Variants in SLC13A1 observed in about 807,000 individuals in gnomAD.
SLC13A1 encodes Na(+)/sulfate cotransporter.
In SLC13A1, 65 loss-of-function variants were observed where a neutral mutation model predicts 70.0. The ratio of observed to expected loss-of-function variants is 0.93; its 90% CI spans 0.76 to 1.14. The LOEUF is 1.14. Among genes scored for constraint, SLC13A1 ranks in the 50% most tolerant of loss-of-function variants. The pLI is 0.00. For synonymous variants in SLC13A1, 275 were observed against 250.5 expected (o/e 1.10, Z -0.92); for missense variants, 726 against 717.8 (o/e 1.01, Z -0.13).
At chr7:123,178,033 C>CTCTCTCTCTCTATA (rs761704605) in intron 2 of SLC13A1, among the ~76,000 whole-genome samples, 114 of 150,044 alleles carry the variant, frequency 7.6e-4, no homozygotes, top group African/African-American at 2.7e-3. Context: ...CTCTCTCTCT[C>CTCTCTCTCTCTATA]TATATATATA....
intron 6 of SLC13A1, among the ~76,000 whole-genome samples, chr7:123,154,955 G>T (rs983975153): frequency 8.5e-5 from 13 of 152,114 alleles, no homozygotes; most frequent in African/African-American, 3.1e-4. Flanking sequence ...TTAGAATTTT[G>T]AAGGCAGTTT....
intron 8 of SLC13A1, among the ~76,000 whole-genome samples, chr7:123,131,243 G>A (rs1392185792): frequency 6.6e-6 from 1 of 152,058 alleles, no homozygotes; most frequent in Admixed American, 6.6e-5. Flanking sequence ...ACTAGTGCCA[G>A]TCTCAAACTT....
chr7:123,124,316 G>C (rs980555390), intron 11 of SLC13A1, among the ~76,000 whole-genome samples: 1 of 152,128 alleles, frequency 6.6e-6, no homozygotes, highest in Non-Finnish European at 1.5e-5. Context: ...GCAATGATCA[G>C]AGTCCTTGGG....
At chr7:123,130,584 G>A (rs1474069752) in intron 8 of SLC13A1, among the ~76,000 whole-genome samples, 1 of 152,056 alleles carries the variant, frequency 6.6e-6, no homozygotes, top group Non-Finnish European at 1.5e-5. Context: ...GGGAGGGAGA[G>A]CATCAAGATA....
chr7:123,137,303 T>A (rs1247268342), intron 7 of SLC13A1, among the ~76,000 whole-genome samples: 2 of 152,174 alleles, frequency 1.3e-5, no homozygotes, highest in Non-Finnish European at 2.9e-5. Context: ...GGATGGAATC[T>A]GTGAATATGA....
chr7:123,175,694 G>A (rs1416368018), intron 2 of SLC13A1, among the ~76,000 whole-genome samples: 1 of 152,082 alleles, frequency 6.6e-6, no homozygotes, highest in Non-Finnish European at 1.5e-5. Context: ...ATAAATATCT[G>A]TTGTTTATTT....
chr7:123,133,877 G>A (rs887055488), intron 8 of SLC13A1, among the ~76,000 whole-genome samples: 4 of 151,392 alleles, frequency 2.6e-5, no homozygotes, highest in East Asian at 1.9e-4. Flanking sequence ...GTTCTCTGTC[G>A]CCCAGGCTGT....
rs1028076269 is a variant in SLC13A1 at position 123,168,999 on chromosome 7, T to C, written c.553+149A>G. 3 of 666,894 alleles carry C rather than the reference T, an allele frequency of 4.5e-6. No individual in the cohort carries two copies. In the African/African-American group the frequency reaches 5.4e-5, roughly 12 times the overall value. 41.3% of individuals were successfully genotyped at this position (666,894 alleles called of 1,614,324 possible). A position where few individuals can be genotyped will look rare whatever the true frequency, so the allele number is the denominator to read the frequency against. On this transcript the variant is annotated intron_variant, in intron 4 of 14. Transcript: ENST00000194130. The stretch of plus-strand genomic sequence containing the variant: ...TAAAATATTTGTAGAAAACTATTTT[T>C]GTAGATACTGAGAACTATAGAGGGA...
At chr7:123,147,384 C>G (rs1414914746) in intron 6 of SLC13A1, 74 bp from the exon 7 acceptor site, 8 of 1,499,816 alleles carry the variant, frequency 5.3e-6, no homozygotes, top group Admixed American at 1.9e-5. Flanking sequence ...TGTGTCCCAC[C>G]ACCCGCACCA....
At chr7:123,160,986 T>C (rs2116496738) in intron 6 of SLC13A1, among the ~76,000 whole-genome samples, 1 of 151,858 alleles carries the variant, frequency 6.6e-6, no homozygotes, top group Non-Finnish European at 1.5e-5. Flanking sequence ...AGGTCAGATT[T>C]TAAAAATTAG....
chr7:123,159,185 T>A (rs1794806482), intron 6 of SLC13A1, among the ~76,000 whole-genome samples: 1 of 152,148 alleles, frequency 6.6e-6, no homozygotes, highest in African/African-American at 2.4e-5. Flanking sequence ...AAATGGATTA[T>A]CTTTAAATGT....
chr7:123,144,031 A>T (rs1212821251), intron 7 of SLC13A1, among the ~76,000 whole-genome samples: 1 of 152,174 alleles, frequency 6.6e-6, no homozygotes, highest in Non-Finnish European at 1.5e-5. Context: ...ATATATTTGG[A>T]ATAAAACCTA....
chr7:123,178,092 A>G (rs943172069), intron 2 of SLC13A1, among the ~76,000 whole-genome samples: 7 of 151,844 alleles, frequency 4.6e-5, no homozygotes, highest in African/African-American at 1.5e-4. Context: ...TGTGAAATTT[A>G]TATTTAAATA....
intron 8 of SLC13A1, 135 bp from the exon 9 acceptor site, chr7:123,129,616 A>G (rs1793687847): frequency 3.1e-6 from 2 of 644,856 alleles, no homozygotes. Flanking sequence ...CTCCCCGTTA[A>G]TAACAGATAT....
chr7:123,120,936 G>T (rs986583381), intron 12 of SLC13A1, among the ~76,000 whole-genome samples: 3 of 151,996 alleles, frequency 2.0e-5, no homozygotes, highest in African/African-American at 7.2e-5. Context: ...TCTACATAAA[G>T]TGCTTTGGTA....
intron 12 of SLC13A1, among the ~76,000 whole-genome samples, chr7:123,122,537 G>A (rs1793418629): frequency 6.6e-6 from 1 of 151,958 alleles, no homozygotes; most frequent in South Asian, 2.1e-4. Context: ...TGGACAGACA[G>A]GTCAAATAAA....
intron 6 of SLC13A1, among the ~76,000 whole-genome samples, chr7:123,165,153 C>T (rs1315218154): frequency 1.3e-5 from 2 of 151,830 alleles, no homozygotes; most frequent in African/African-American, 4.8e-5. Context: ...TACATTTATT[C>T]CTGAAAATAT....
intron 1 of SLC13A1, 132 bp from the exon 2 acceptor site, chr7:123,181,233 T>G: frequency 1.2e-6 from 1 of 857,552 alleles, no homozygotes; most frequent in East Asian, 2.9e-5. Flanking sequence ...TCTGCATCTT[T>G]GAGTTGCCCT....
In SLC13A1 at chr7:123,128,848, G is replaced by GA. The variant is rs1171535284; in HGVS notation, c.1129dup (p.Ser377PhefsTer26). ...AAACATAACGTGCAAAGCTTACTCTGAAAAAAGTGCAGACCAACCAGGAAC... is the reference window on the plus strand; with the variant it reads ...AAACATAACGTGCAAAGCTTACTCTGAAAAAAAGTGCAGACCAACCAGGAAC... On this transcript the variant is annotated frameshift_variant, in exon 10 of 15. Coordinates refer to ENST00000194130, the MANE Select transcript of SLC13A1 (RefSeq NM_022444.4). LOFTEE classifies it high-confidence loss of function. 2 of 1,609,440 alleles carry GA rather than the reference G, an allele frequency of 1.2e-6. No homozygotes were observed. The highest frequency in any genetic ancestry group is 1.7e-6 in the Non-Finnish European group (2 of 1,176,286).
Sources: allele counts gnomAD v4.1 joint callset (sites outside exome capture counted in the v4.1 genomes callset), GRCh38; gene constraint gnomAD v4.1.1; transcripts MANE v1.5; gene names NCBI Gene and HGNC (gene_info 2026-07-23, HGNC 2026-07-21).